MCU: variants seen among roughly 807,000 people sequenced by gnomAD.
MCU encodes mitochondrial calcium uniporter.
A neutral mutation model predicts 45.2 loss-of-function variants in MCU; 12 were observed. The ratio of observed to expected loss-of-function variants is 0.27; its 90% CI spans 0.17 to 0.43. The LOEUF (loss-of-function observed/expected upper bound fraction) is 0.43. Among genes scored for constraint, MCU ranks in the 20% least tolerant of loss-of-function variants. The probability of loss-of-function intolerance (pLI) is 1.00; values close to 1 mark genes in which losing one functional copy is unlikely to be tolerated. For missense variants in MCU, 324 were observed against 436.7 expected (o/e 0.74, Z 2.30); for synonymous variants, 160 against 165.1 (o/e 0.97, Z 0.24).
rs949101311 is a variant in MCU, at chr10:72,887,217, T to C, written c.*1395T>C. 6.5e-6 allele frequency: 1 copy of C among 152,874 alleles called. No individual in the cohort carries two copies. Among genetic ancestry groups the C allele is most frequent in the East Asian group, 1.9e-4 (1 of 5,320 alleles). The allele number at this position is 152,874 out of a possible 1,614,324, so 9.5% of individuals were successfully genotyped here. ...TTTCTTTCTCTTTTTCTTCCTCCTT[T>C]GGGATCATTGTGTATGAAAAGAAAA... On this transcript the variant is annotated 3_prime_UTR_variant, in exon 8 of 8. Coordinates refer to ENST00000373053, the MANE Select transcript of MCU (RefSeq NM_138357.3).
chr10:72,871,620 T>C, intron 6 of MCU, 40 bp downstream of exon 6: 1 of 1,543,054 alleles, frequency 6.5e-7, no homozygotes, highest in South Asian at 1.1e-5. Flanking sequence ...GAGATAGTAA[T>C]AAAGTTTTGA....
chr10:72,755,163 T>G (rs1843557379), intron 1 of MCU, among the ~76,000 whole-genome samples: 1 of 151,294 alleles, frequency 6.6e-6, no homozygotes, highest in Non-Finnish European at 1.5e-5. Context: ...TTTTTTTTTT[T>G]TTTGAGGCAG....
At chr10:72,843,836 C>T (rs1050380749) in intron 2 of MCU, among the ~76,000 whole-genome samples, 1 of 152,030 alleles carries the variant, frequency 6.6e-6, no homozygotes, top group Non-Finnish European at 1.5e-5. Flanking sequence ...CTTGTTTAAA[C>T]TCAGTGGAAG....
intron 1 of MCU, among the ~76,000 whole-genome samples, chr10:72,717,401 G>T (rs1042908832): frequency 2.0e-4 from 30 of 151,878 alleles, no homozygotes; most frequent in Non-Finnish European, 7.4e-5. Flanking sequence ...CTGGGTTATA[G>T]GCGCCCGCCA....
At chr10:72,823,924 G>A (rs1478049689) in intron 1 of MCU, among the ~76,000 whole-genome samples, 1 of 152,014 alleles carries the variant, frequency 6.6e-6, no homozygotes, top group Non-Finnish European at 1.5e-5. Context: ...GCCAAGCATG[G>A]TGGCATATCC....
At chr10:72,715,873 T>C in intron 1 of MCU, 1 of 985,712 alleles carries the variant, frequency 1.0e-6, no homozygotes, top group South Asian at 4.7e-5. Flanking sequence ...ATGTGACCTG[T>C]TCACGCAGGG....
At chr10:72,739,973 G>T (rs947137956) in intron 1 of MCU, among the ~76,000 whole-genome samples, 1 of 151,948 alleles carries the variant, frequency 6.6e-6, no homozygotes, top group South Asian at 2.1e-4. Flanking sequence ...ACCGTGCCCA[G>T]CTGAAAATTA....
At chr10:72,714,365 TTTTA>T (rs1291866458) in intron 1 of MCU, among the ~76,000 whole-genome samples, 4 of 138,422 alleles carry the variant, frequency 2.9e-5, no homozygotes, top group Non-Finnish European at 6.3e-5. Flanking sequence ...TTTTTTTTTT[TTTTA>T]AAGAGATGGG....
chr10:72,754,333 G>A (rs931202874), intron 1 of MCU, among the ~76,000 whole-genome samples: 1 of 152,114 alleles, frequency 6.6e-6, no homozygotes, highest in African/African-American at 2.4e-5. Context: ...ATTTGAGTCC[G>A]GAGCTTATAT....
At chr10:72,820,512 AT>A (rs532330921) in intron 1 of MCU, among the ~76,000 whole-genome samples, 427 of 139,334 alleles carry the variant, frequency 3.1e-3, no homozygotes, top group Middle Eastern at 7.6e-3. Context: ...TTTGATTAGT[AT>A]TTTTTTTTTT....
chr10:72,715,202 T>C (rs901390950), intron 1 of MCU: 1 of 984,186 alleles, frequency 1.0e-6, no homozygotes, highest in Non-Finnish European at 1.2e-6. Flanking sequence ...GCTGCTAGAG[T>C]GTGGAGCTGG....
chr10:72,709,420 G>A (rs1040734161), intron 1 of MCU, among the ~76,000 whole-genome samples: 2 of 152,174 alleles, frequency 1.3e-5, no homozygotes, highest in Admixed American at 1.3e-4. Context: ...AAGATTGAAG[G>A]TTTTTCATTT....
intron 1 of MCU, chr10:72,766,616 C>T (rs534038059): frequency 3.3e-5 from 5 of 152,168 alleles, no homozygotes; most frequent in South Asian, 2.1e-4. Flanking sequence ...AATCTTGTGG[C>T]GAGGGTATTA....
chr10:72,782,677 T>C (rs1844013649), intron 1 of MCU, among the ~76,000 whole-genome samples: 1 of 152,200 alleles, frequency 6.6e-6, no homozygotes, highest in Non-Finnish European at 1.5e-5. Context: ...CCATAATCCT[T>C]AAAAATCAAA....
intron 1 of MCU, among the ~76,000 whole-genome samples, chr10:72,829,410 T>C (rs1210599572): frequency 6.6e-6 from 1 of 152,102 alleles, no homozygotes; most frequent in African/African-American, 2.4e-5. Context: ...CTTTAATCTT[T>C]GTATCTGCCA....
intron 1 of MCU, among the ~76,000 whole-genome samples, chr10:72,799,072 G>A (rs1174773484): frequency 2.0e-5 from 3 of 151,796 alleles, no homozygotes; most frequent in Non-Finnish European, 4.4e-5. Flanking sequence ...GACTATAGGC[G>A]CCCGCCACCA....
chr10:72,869,146 C>T (rs112863927), intron 5 of MCU, among the ~76,000 whole-genome samples: 1 of 152,164 alleles, frequency 6.6e-6, no homozygotes, highest in South Asian at 2.1e-4. Flanking sequence ...AACTGCTGAT[C>T]AGGAAAGGCT....
Position 72,706,661 on chromosome 10 carries a change from C to T in MCU, c.150+14360C>T, listed in dbSNP as rs560664392. ...CAAGCGATTCTCCTCCTCAGCCTCCCGAGTAGCTGGGACTACAGGCGTGCG... is the reference window on the plus strand; with the variant it reads ...CAAGCGATTCTCCTCCTCAGCCTCCTGAGTAGCTGGGACTACAGGCGTGCG... On this transcript the variant is annotated intron_variant, in intron 1 of 7. Coordinates refer to ENST00000373053, the MANE Select transcript of MCU (RefSeq NM_138357.3). 2.2e-4 allele frequency among the ~76,000 whole-genome samples: 34 copies of T among 151,900 alleles called. No individual in the cohort carries two copies. The South Asian group carries it at 2.9e-3, about 13-fold the overall frequency.
chr10:72,886,068 A>G lies in MCU; in HGVS notation c.*246A>G. ...CCAAGTATCTCAGTTTCTGGATGAAAATGATGCAGTTATATAGTTGAGAGA... is the reference window on the plus strand; with the variant it reads ...CCAAGTATCTCAGTTTCTGGATGAAGATGATGCAGTTATATAGTTGAGAGA... On this transcript the variant is annotated 3_prime_UTR_variant, in exon 8 of 8. Transcript: ENST00000373053. 1 of 422,170 alleles carries G rather than the reference A, an allele frequency of 2.4e-6. No homozygotes were observed. The highest frequency in any genetic ancestry group is 4.3e-6 in the Non-Finnish European group (1 of 234,986). 26.2% of individuals were successfully genotyped at this position (422,170 alleles called of 1,614,324 possible).
Sources: gnomAD v4.1 joint callset for allele counts (sites outside exome capture counted in the v4.1 genomes callset) on GRCh38, gnomAD v4.1.1 for gene constraint, MANE v1.5 for transcripts, NCBI Gene and HGNC (gene_info 2026-07-23, HGNC 2026-07-21) for gene names.